Variants in GRID2 observed in about 807,000 individuals in gnomAD.
GRID2 encodes the protein glutamate ionotropic receptor delta type subunit 2.
Under a neutral mutation model 114.8 loss-of-function variants are expected in GRID2, and 33 were observed. That is an observed-to-expected ratio of 0.29 (90% CI 0.22 to 0.38). The LOEUF (loss-of-function observed/expected upper bound fraction) is 0.38, where lower values mean the gene tolerates loss of function less well. Ranked by LOEUF, GRID2 falls within the 10% of genes least tolerant of loss-of-function variation. The pLI is 1.00. For missense variants in GRID2, 1,184 were observed against 1,257.7 expected (o/e 0.94, Z 0.89); for synonymous variants, 505 against 449.9 (o/e 1.12, Z -1.55).
intron 3 of GRID2, among the ~76,000 whole-genome samples, chr4:93,108,732 G>A (rs755565607): frequency 4.0e-5 from 6 of 151,642 alleles, no homozygotes; most frequent in Non-Finnish European, 7.4e-5. Flanking sequence ...CCGGGTTCAA[G>A]CGATTCTTCT....
intron 13 of GRID2, among the ~76,000 whole-genome samples, chr4:93,608,211 T>A (rs1424113737): frequency 1.3e-5 from 2 of 150,282 alleles, no homozygotes; most frequent in Non-Finnish European, 3.0e-5. Flanking sequence ...CTTATATGTA[T>A]TACATATGCT....
intron 1 of GRID2, among the ~76,000 whole-genome samples, chr4:92,445,964 A>T (rs1484022056): frequency 6.6e-6 from 1 of 152,100 alleles, no homozygotes; most frequent in East Asian, 1.9e-4. Flanking sequence ...GTTTGTTTTG[A>T]GACAGAGTCT....
At chr4:93,336,745 A>G (rs1759133282) in intron 8 of GRID2, among the ~76,000 whole-genome samples, 1 of 152,078 alleles carries the variant, frequency 6.6e-6, no homozygotes, top group African/African-American at 2.4e-5. Context: ...ATGACATCAT[A>G]TTTGTTTTAC....
intron 9 of GRID2, among the ~76,000 whole-genome samples, chr4:93,407,588 A>G (rs1045085573): frequency 6.6e-6 from 1 of 152,298 alleles, no homozygotes; most frequent in South Asian, 2.1e-4. Context: ...TGATCCTTGC[A>G]TCATGTTTAA....
intron 2 of GRID2, among the ~76,000 whole-genome samples, chr4:92,724,294 C>CT (rs1307699551): frequency 5.3e-5 from 8 of 152,266 alleles, no homozygotes; most frequent in Admixed American, 2.6e-4. Context: ...TTCACCACCA[C>CT]TTTCCCATCC....
chr4:92,806,455 C>G (rs571260941), intron 2 of GRID2, among the ~76,000 whole-genome samples: 50 of 151,814 alleles, frequency 3.3e-4, no homozygotes, highest in African/African-American at 1.0e-3. Context: ...TTCTGCTGAC[C>G]CCTTTCCTAG....
chr4:93,667,327 G>A lies in GRID2; in HGVS notation c.2360+40892G>A, dbSNP rs552858242. ...ACTAGCATGGCATAATTACTAGGTAGAAGAATCCTCTAACCAAGTACATCC... is the reference window on the plus strand; with the variant it reads ...ACTAGCATGGCATAATTACTAGGTAAAAGAATCCTCTAACCAAGTACATCC... On this transcript the variant is annotated intron_variant, in intron 14 of 15. Coordinates refer to ENST00000282020, the MANE Select transcript of GRID2 (RefSeq NM_001510.4). Among the ~76,000 whole-genome samples, 12 of 151,812 alleles carry A rather than the reference G, an allele frequency of 7.9e-5. No homozygotes were observed. The South Asian group carries it at 2.5e-3, about 31-fold the overall frequency.
chr4:92,324,023 T>G (rs2110131600), intron 1 of GRID2, among the ~76,000 whole-genome samples: 1 of 152,176 alleles, frequency 6.6e-6, no homozygotes, highest in East Asian at 1.9e-4. Flanking sequence ...TTGTTTTCAT[T>G]ACATGGGATC....
chr4:92,757,727 G>C (rs770323277), intron 2 of GRID2, among the ~76,000 whole-genome samples: 1 of 152,014 alleles, frequency 6.6e-6, no homozygotes, highest in Non-Finnish European at 1.5e-5. Flanking sequence ...AATATCACTA[G>C]TGAGGAACAG....
intron 6 of GRID2, among the ~76,000 whole-genome samples, chr4:93,219,880 T>C (rs963146434): frequency 7.2e-5 from 11 of 152,194 alleles, no homozygotes; most frequent in Admixed American, 3.9e-4. Context: ...TAAAATTCAT[T>C]AAAAGAAAAT....
At chr4:92,762,633 T>G (rs895567934) in intron 2 of GRID2, among the ~76,000 whole-genome samples, 3 of 152,168 alleles carry the variant, frequency 2.0e-5, no homozygotes, top group African/African-American at 7.2e-5. Context: ...ACTTGTTCGA[T>G]TTTCCCTCAA....
intron 2 of GRID2, among the ~76,000 whole-genome samples, chr4:92,859,464 G>T (rs1744389916): frequency 6.6e-6 from 1 of 151,950 alleles, no homozygotes; most frequent in African/African-American, 2.4e-5. Flanking sequence ...ATATCTTTGA[G>T]GTCTGACCCT....
At chr4:92,632,357 G>A (rs1038684613) in intron 2 of GRID2, among the ~76,000 whole-genome samples, 1 of 151,958 alleles carries the variant, frequency 6.6e-6, no homozygotes, top group Non-Finnish European at 1.5e-5. Flanking sequence ...AGACCAGTCC[G>A]GGCACAGTGG....
chr4:93,071,469 A>C (rs2149305460), intron 2 of GRID2, among the ~76,000 whole-genome samples: 1 of 152,286 alleles, frequency 6.6e-6, no homozygotes, highest in South Asian at 2.1e-4. Context: ...ATAGAGAAAT[A>C]GATATATAAA....
chr4:92,612,235 A>C (rs1729789763), intron 2 of GRID2, among the ~76,000 whole-genome samples: 1 of 151,446 alleles, frequency 6.6e-6, no homozygotes, highest in South Asian at 2.1e-4. Flanking sequence ...TCCCCTGTTG[A>C]ATTATTTTGG....
chr4:93,778,175 G>T (rs1205041560), downstream of GRID2, among the ~76,000 whole-genome samples: 2 of 152,044 alleles, frequency 1.3e-5, no homozygotes, highest in Non-Finnish European at 2.9e-5. Flanking sequence ...ATTTCCTGGA[G>T]GCAAGGGTAT....
intron 13 of GRID2, among the ~76,000 whole-genome samples, chr4:93,534,954 C>A (rs1243394867): frequency 1.3e-5 from 2 of 151,588 alleles, no homozygotes; most frequent in Non-Finnish European, 2.9e-5. Context: ...ATCACATTTC[C>A]AGAACTTATT....
intron 2 of GRID2, among the ~76,000 whole-genome samples, chr4:92,732,796 T>A: frequency 6.6e-6 from 1 of 152,136 alleles, no homozygotes; most frequent in East Asian, 1.9e-4. Flanking sequence ...TGTATGCTTG[T>A]CTTTCCCAAA....
chr4:93,119,192 A>C (rs1192774367), intron 4 of GRID2, among the ~76,000 whole-genome samples: 3 of 152,170 alleles, frequency 2.0e-5, no homozygotes, highest in Non-Finnish European at 4.4e-5. Context: ...AAAATACTGC[A>C]GTTATGTGCA....
Sources: allele counts gnomAD v4.1 joint callset (sites outside exome capture counted in the v4.1 genomes callset), GRCh38; gene constraint gnomAD v4.1.1; transcripts MANE v1.5; gene names NCBI Gene and HGNC (gene_info 2026-07-23, HGNC 2026-07-21).